RAPGEF6: variants seen among roughly 807,000 people sequenced by gnomAD.
RAPGEF6 encodes Rap guanine nucleotide exchange factor 6.
Under a neutral mutation model 171.4 loss-of-function variants are expected in RAPGEF6, and 56 were observed. The ratio of observed to expected loss-of-function variants is 0.33; its 90% CI spans 0.26 to 0.41. The LOEUF is 0.41. Ranked by LOEUF, RAPGEF6 falls within the 10% of genes least tolerant of loss-of-function variation. The pLI, the probability that RAPGEF6 is intolerant of heterozygous loss-of-function variation, is 1.00. For missense variants in RAPGEF6, 1,674 were observed against 1,921.4 expected (o/e 0.87, Z 2.41); for synonymous variants, 692 against 650.1 (o/e 1.06, Z -0.98).
intron 27 of RAPGEF6, among the ~76,000 whole-genome samples, chr5:131,427,998 G>A (rs181907605): frequency 3.3e-5 from 5 of 152,260 alleles, no homozygotes; most frequent in African/African-American, 1.2e-4. Flanking sequence ...ACCTACTTGG[G>A]AGGCTGAGGA....
intron 24 of RAPGEF6, chr5:131,436,172 GT>G: frequency 1.3e-6 from 2 of 1,537,062 alleles, no homozygotes; most frequent in African/African-American, 2.7e-5. Context: ...CTTTCCCTAA[GT>G]CTTCTAAACG....
intron 6 of RAPGEF6, among the ~76,000 whole-genome samples, chr5:131,539,627 G>A (rs777885358): frequency 3.4e-4 from 52 of 152,114 alleles, no homozygotes; most frequent in Non-Finnish European, 5.9e-4. Flanking sequence ...AATACCTTAA[G>A]AGGTCACACC....
rs1275934224 is a variant in RAPGEF6 at position 131,424,787 on chromosome 5, C to A, written c.*2479G>T. The stretch of plus-strand genomic sequence containing the variant: ...TATAAAGATATTTTGTTGAAACTTA[C>A]TATTTGGCAAAAGTTTGCACTGAGC... On this transcript the variant is annotated 3_prime_UTR_variant, in exon 28 of 28. Coordinates refer to ENST00000509018, the MANE Select transcript of RAPGEF6 (RefSeq NM_016340.6). The A allele has an allele frequency of 6.6e-6, 1 of 152,238 alleles. No individual in the cohort carries two copies. Among genetic ancestry groups the A allele is most frequent in the African/African-American group, 2.4e-5 (1 of 41,418 alleles). The allele number at this position is 152,238 out of a possible 1,614,324, so 9.4% of individuals were successfully genotyped here.
intron 14 of RAPGEF6, among the ~76,000 whole-genome samples, chr5:131,491,593 T>G (rs1756288127): frequency 6.6e-6 from 1 of 151,876 alleles, no homozygotes; most frequent in Non-Finnish European, 1.5e-5. Context: ...CAGCAGGAGG[T>G]GAGCAGTGGG....
intron 6 of RAPGEF6, 91 bp downstream of exon 6, chr5:131,547,956 G>A: frequency 7.2e-7 from 1 of 1,382,186 alleles, no homozygotes. Flanking sequence ...ACAGAGCCCA[G>A]CATGTTGATA....
In RAPGEF6 at chr5:131,429,084, C is replaced by A. The variant is rs755130844; in HGVS notation, c.4598G>T (p.Ser1533Ile). The A allele has an allele frequency of 3.2e-5, 51 of 1,614,110 alleles. No homozygotes were observed. Among genetic ancestry groups the A allele is most frequent in the Non-Finnish European group, 4.2e-5 (49 of 1,180,020 alleles). ...PHTHLKPPDYSVAVQRSKMMH... is the reference protein window; with the variant it reads ...PHTHLKPPDYIVAVQRSKMMH... ...CATCTTTGACCTCTGCACTGCCACA[C>A]TATAATCTGGAGGTTTTAGGTGTGT... Residue 1533 changes from serine (S) to isoleucine (I), a missense_variant, in exon 27 of 28, where the codon AGT (serine) becomes ATT (isoleucine). Physicochemically the swap from Ser to Ile is moderately radical, Grantham distance 142. Coordinates refer to ENST00000509018, the MANE Select transcript of RAPGEF6 (RefSeq NM_016340.6).
Position 131,444,215 on chromosome 5 carries a change from A to G in RAPGEF6, c.3422-1678T>C, listed in dbSNP as rs530510619. Among the ~76,000 whole-genome samples, 7 of 152,348 alleles carry G rather than the reference A, an allele frequency of 4.6e-5. No homozygotes were observed. In the South Asian group the frequency reaches 8.3e-4, roughly 18 times the overall value. ...GACAGACTAGACAATATTTGGGGTG[A>G]TAAGAATCAGAGAATGTCTTAGAAA... On this transcript the variant is annotated intron_variant, in intron 22 of 27. Coordinates refer to ENST00000509018, the MANE Select transcript of RAPGEF6 (RefSeq NM_016340.6).
intron 5 of RAPGEF6, among the ~76,000 whole-genome samples, chr5:131,561,590 G>A (rs529910437): frequency 7.9e-5 from 12 of 151,220 alleles, no homozygotes; most frequent in African/African-American, 2.7e-4. Context: ...AACCTAGGAG[G>A]CGGAGGTTGC....
rs375169249 is a variant in RAPGEF6 at position 131,492,561 on chromosome 5, A to C, written c.1731+21T>G. 40 of 1,609,282 alleles carry C rather than the reference A, an allele frequency of 2.5e-5. No homozygotes were observed. In the African/African-American group the frequency reaches 5.2e-4, roughly 21 times the overall value. On this transcript the variant is annotated intron_variant, in intron 14 of 27. Coordinates refer to ENST00000509018, the MANE Select transcript of RAPGEF6 (RefSeq NM_016340.6). Reference sequence around the variant, plus strand: ...ATACTTTTAAGAAGGCTTGAATATAAGTGGTTGGTTATTTCCTTACCTGAT... The same window carrying C: ...ATACTTTTAAGAAGGCTTGAATATACGTGGTTGGTTATTTCCTTACCTGAT...
chr5:131,476,068 CCTATGAAA>C, intron 16 of RAPGEF6, among the ~76,000 whole-genome samples: 1 of 152,138 alleles, frequency 6.6e-6, no homozygotes, highest in Non-Finnish European at 1.5e-5. Flanking sequence ...GGAAAAATTA[CCTATGAAA>C]CTATGCCTTC....
chr5:131,560,007 C>T (rs1009254975), intron 5 of RAPGEF6, among the ~76,000 whole-genome samples: 1 of 152,034 alleles, frequency 6.6e-6, no homozygotes, highest in Non-Finnish European at 1.5e-5. Context: ...AACCATTTGA[C>T]CAGGCATTTT....
At chr5:131,509,950 A>C (rs534110204) in intron 8 of RAPGEF6, among the ~76,000 whole-genome samples, 1 of 152,332 alleles carries the variant, frequency 6.6e-6, no homozygotes, top group East Asian at 1.9e-4. Context: ...CTTAGGGGGA[A>C]GCCTAAGTTC....
At chr5:131,454,331 G>C (rs1217060498) in intron 20 of RAPGEF6, among the ~76,000 whole-genome samples, 1 of 152,106 alleles carries the variant, frequency 6.6e-6, no homozygotes. Context: ...CTGGAGATAT[G>C]GAACATCATT....
chr5:131,468,331 C>CAAAA (rs397760383), intron 17 of RAPGEF6, among the ~76,000 whole-genome samples: 2 of 46,080 alleles, frequency 4.3e-5, no homozygotes, highest in Non-Finnish European at 9.3e-5. Flanking sequence ...GACTCCATCT[C>CAAAA]AAAAAAAAAA....
intron 5 of RAPGEF6, among the ~76,000 whole-genome samples, chr5:131,556,124 G>A (rs1267997318): frequency 6.6e-6 from 1 of 152,130 alleles, no homozygotes; most frequent in Non-Finnish European, 1.5e-5. Flanking sequence ...AGCAGTGCAG[G>A]ACTGTATGGA....
chr5:131,602,375 T>A (rs1025585788), intron 3 of RAPGEF6, among the ~76,000 whole-genome samples: 1 of 152,180 alleles, frequency 6.6e-6, no homozygotes, highest in Non-Finnish European at 1.5e-5. Context: ...ATGACCATAA[T>A]TTTATTCCTA....
chr5:131,529,970 C>G (rs183778626), intron 6 of RAPGEF6, among the ~76,000 whole-genome samples: 2 of 142,186 alleles, frequency 1.4e-5, no homozygotes, highest in East Asian at 4.1e-4. Flanking sequence ...TGTAGTGTCA[C>G]GATTTCAGCT....
intron 3 of RAPGEF6, among the ~76,000 whole-genome samples, chr5:131,599,161 T>C (rs1764077851): frequency 6.6e-6 from 1 of 152,030 alleles, no homozygotes; most frequent in South Asian, 2.1e-4. Flanking sequence ...ATCCTGTCTC[T>C]ACTAAAAATA....
intron 6 of RAPGEF6, among the ~76,000 whole-genome samples, chr5:131,522,409 C>T (rs1232819154): frequency 6.6e-6 from 1 of 152,056 alleles, no homozygotes; most frequent in Non-Finnish European, 1.5e-5. Flanking sequence ...CTATCAAAAT[C>T]AATTTAATTT....
Sources: allele counts gnomAD v4.1 joint callset (sites outside exome capture counted in the v4.1 genomes callset), GRCh38; gene constraint gnomAD v4.1.1; transcripts MANE v1.5; gene names NCBI Gene and HGNC (gene_info 2026-07-23, HGNC 2026-07-21).